The following VPS53 variants were observed in gnomAD, a reference collection of about 807,000 sequenced individuals.
VPS53 encodes VPS53 subunit of GARP complex, also known as vacuolar protein sorting-associated protein 53 homolog.
VPS53 carries 70 observed loss-of-function variants against 107.0 expected under a neutral mutation model. The ratio of observed to expected loss-of-function variants is 0.65; its 90% confidence interval spans 0.54 to 0.80. VPS53 has a LOEUF of 0.80. VPS53 is among the 30% of genes least tolerant of loss of function. VPS53 has a pLI of 0.00. For synonymous variants in VPS53, 409 were observed against 393.3 expected (o/e 1.04, Z -0.47); for missense variants, 917 against 1,049.4 (o/e 0.87, Z 1.74).
chr17:572,704 G>C (rs1222137546), intron 13 of VPS53, among the ~76,000 whole-genome samples: 3 of 150,190 alleles, frequency 2.0e-5, no homozygotes, highest in Non-Finnish European at 1.5e-5. Flanking sequence ...TTCTGCCTTG[G>C]GATCCTGTTG....
intron 13 of VPS53, among the ~76,000 whole-genome samples, chr17:565,392 A>T (rs1913397436): frequency 7.5e-6 from 1 of 133,194 alleles, no homozygotes; most frequent in African/African-American, 2.9e-5. Flanking sequence ...AACAAGAGCG[A>T]AACCCCATCT....
chr17:605,162 G>A (rs1314981682), intron 11 of VPS53, among the ~76,000 whole-genome samples: 1 of 152,214 alleles, frequency 6.6e-6, no homozygotes, highest in East Asian at 1.9e-4. Context: ...CAACAATGAT[G>A]TACTGGGCAT....
intron 19 of VPS53, chr17:523,475 C>T (rs556827953): frequency 9.2e-5 from 14 of 152,318 alleles, no homozygotes; most frequent in African/African-American, 3.1e-4. Context: ...ACTTTGCATC[C>T]TCCAATTTCC....
rs533168405 is a variant in VPS53, at chr17:569,885, C to T, written c.1314-7140G>A. Among the ~76,000 whole-genome samples, 7 of 144,082 alleles carry T rather than the reference C, an allele frequency of 4.9e-5. No homozygotes were observed. The South Asian group carries it at 1.3e-3, about 27-fold the overall frequency. 94.5% of individuals were successfully genotyped at this position (144,082 alleles called of 152,430 possible). On this transcript the variant is annotated intron_variant, in intron 13 of 21. Coordinates refer to ENST00000437048, the MANE Select transcript of VPS53 (RefSeq NM_001128159.3). ...TGTCACTGCACTCCAGCCTGGGCGA[C>T]AGAGCAAGACTCTGCCTCAAAAAAA...
chr17:707,498 G>A (rs1036658011), intron 2 of VPS53, among the ~76,000 whole-genome samples: 9 of 149,498 alleles, frequency 6.0e-5, no homozygotes, highest in African/African-American at 2.0e-4. Context: ...CCAGCCTGGG[G>A]GACAAGAATG....
intron 19 of VPS53, chr17:532,056 T>C (rs1909627311): frequency 6.8e-6 from 1 of 148,036 alleles, no homozygotes; most frequent in African/African-American, 2.6e-5. Flanking sequence ...GTTGAAGCAA[T>C]TCTGCCTCAG....
intron 3 of VPS53, among the ~76,000 whole-genome samples, chr17:697,792 A>G (rs981000053): frequency 3.3e-5 from 5 of 152,234 alleles, no homozygotes; most frequent in African/African-American, 1.2e-4. Context: ...AGGAATGACA[A>G]AGTTCCGGAG....
At chr17:599,217 C>T (rs1307868625) in intron 12 of VPS53, among the ~76,000 whole-genome samples, 1 of 151,726 alleles carries the variant, frequency 6.6e-6, no homozygotes, top group Admixed American at 6.6e-5. Flanking sequence ...AGTGAGGAGC[C>T]CCTCTGCCCG....
chr17:699,812 A>G (rs2657626), intron 2 of VPS53, among the ~76,000 whole-genome samples: 58,993 of 152,128 alleles, frequency 0.39, 13,614 homozygotes, highest in Non-Finnish European at 0.52. Context: ...GCACAACACC[A>G]TGGATAAACA....
intron 11 of VPS53, among the ~76,000 whole-genome samples, chr17:610,936 T>TA (rs1968842216): frequency 6.9e-6 from 1 of 145,434 alleles, no homozygotes; most frequent in Admixed American, 6.9e-5. Flanking sequence ...AGACTCTGTC[T>TA]CAAGAAAAAA....
At chr17:610,125 C>T (rs911433138) in intron 11 of VPS53, among the ~76,000 whole-genome samples, 17 of 105,100 alleles carry the variant, frequency 1.6e-4, no homozygotes, top group South Asian at 3.6e-4. Flanking sequence ...AGTGAGACTC[C>T]GTCACACACA....
chr17:602,188 G>A (rs1430517778), intron 11 of VPS53, among the ~76,000 whole-genome samples: 3 of 152,216 alleles, frequency 2.0e-5, no homozygotes, highest in Admixed American at 6.5e-5. Context: ...CATCTGTCAG[G>A]TTTGGGTCAG....
intron 4 of VPS53, among the ~76,000 whole-genome samples, chr17:662,689 GAAAGA>G (rs1161854975): frequency 2.1e-5 from 3 of 139,992 alleles, no homozygotes; most frequent in African/African-American, 8.0e-5. Context: ...ACTCCAAAAG[GAAAGA>G]AAAGAAAAGA....
At chr17:553,544 C>G in intron 15 of VPS53, 82 bp from the exon 16 acceptor site, 1 of 959,536 alleles carries the variant, frequency 1.0e-6, no homozygotes, top group Non-Finnish European at 1.6e-6. Flanking sequence ...ACATTTACTG[C>G]GTTTGATGAT....
intron 11 of VPS53, 71 bp from the exon 12 acceptor site, chr17:601,967 T>C (rs1968347794): frequency 8.7e-7 from 1 of 1,148,304 alleles, no homozygotes. Flanking sequence ...TGATCTGCTT[T>C]TTCTAGGTGT....
intron 15 of VPS53, among the ~76,000 whole-genome samples, chr17:559,313 T>C (rs1429544030): frequency 6.6e-6 from 1 of 152,232 alleles, no homozygotes; most frequent in Non-Finnish European, 1.5e-5. Context: ...ATTTTACCTT[T>C]AAAATAGCAT....
At chr17:550,544 T>C (rs906447258) in intron 17 of VPS53, among the ~76,000 whole-genome samples, 11 of 152,208 alleles carry the variant, frequency 7.2e-5, no homozygotes, top group Non-Finnish European at 8.8e-5. Context: ...ATACAAGCAG[T>C]GGGCCAGATC....
chr17:527,352 GCT>G (rs1396137953), intron 19 of VPS53, among the ~76,000 whole-genome samples: 1 of 152,136 alleles, frequency 6.6e-6, no homozygotes, highest in Non-Finnish European at 1.5e-5. Context: ...CGTCTCTCCT[GCT>G]CTCTCTCACT....
chr17:664,533 G>A (rs940122139), intron 4 of VPS53, among the ~76,000 whole-genome samples: 2 of 152,148 alleles, frequency 1.3e-5, no homozygotes, highest in Non-Finnish European at 2.9e-5. Context: ...AGGTGGGCAC[G>A]AGCCAGAGCA....
Sources: gnomAD v4.1 joint callset for allele counts (sites outside exome capture counted in the v4.1 genomes callset) on GRCh38, gnomAD v4.1.1 for gene constraint, MANE v1.5 for transcripts, NCBI Gene and HGNC (gene_info 2026-07-23, HGNC 2026-07-21) for gene names.